FOXP1: variants seen among roughly 807,000 people sequenced by gnomAD.
The protein encoded by FOXP1 is forkhead box protein P1.
A neutral mutation model predicts 98.2 loss-of-function variants in FOXP1; 15 were observed. The ratio of observed to expected loss-of-function variants is 0.15; its 90% confidence interval spans 0.10 to 0.24. The LOEUF (loss-of-function observed/expected upper bound fraction) is 0.24, where lower values mean the gene tolerates loss of function less well. FOXP1 is among the 10% of genes least tolerant of loss of function. The pLI, the probability that FOXP1 is intolerant of heterozygous loss-of-function variation, is 1.00. For missense variants in FOXP1, 633 were observed against 848.5 expected (o/e 0.75, Z 3.15); for synonymous variants, 371 against 314.5 (o/e 1.18, Z -1.90).
chr3:71,483,019 T>C (rs2090398008), intron 3 of FOXP1, among the ~76,000 whole-genome samples: 1 of 151,862 alleles, frequency 6.6e-6, no homozygotes, highest in African/African-American at 2.4e-5. Flanking sequence ...TTCTTATTTT[T>C]TGTAGAGATG....
At chr3:71,398,750 T>C (rs994262158) in intron 3 of FOXP1, among the ~76,000 whole-genome samples, 1 of 152,220 alleles carries the variant, frequency 6.6e-6, no homozygotes, top group Admixed American at 6.5e-5. Flanking sequence ...TACATCTTCA[T>C]GATGAGATAG....
chr3:71,251,554 G>A (rs994689108), intron 5 of FOXP1, among the ~76,000 whole-genome samples: 1 of 152,172 alleles, frequency 6.6e-6, no homozygotes, highest in Non-Finnish European at 1.5e-5. Context: ...TGGAAGCGGG[G>A]GTGGTGGTCA....
At chr3:70,979,690 T>G (rs902897152) in intron 14 of FOXP1, among the ~76,000 whole-genome samples, 16 of 151,148 alleles carry the variant, frequency 1.1e-4, no homozygotes, top group Non-Finnish European at 1.6e-4. Context: ...GTATTAAAAA[T>G]GAGATTCCTC....
chr3:71,577,789 A>G (rs1398808807), intron 2 of FOXP1, among the ~76,000 whole-genome samples: 1 of 145,980 alleles, frequency 6.9e-6, no homozygotes, highest in Non-Finnish European at 1.5e-5. Context: ...CCATCAACTT[A>G]AAAAAAAAAA....
At chr3:71,236,850 G>A (rs977861697) in intron 5 of FOXP1, among the ~76,000 whole-genome samples, 2 of 151,242 alleles carry the variant, frequency 1.3e-5, no homozygotes, top group South Asian at 4.2e-4. Flanking sequence ...TCCAGCCTGA[G>A]TGACACAGCG....
chr3:71,133,899 T>C (rs2059692418), intron 6 of FOXP1, among the ~76,000 whole-genome samples: 1 of 152,224 alleles, frequency 6.6e-6, no homozygotes, highest in Non-Finnish European at 1.5e-5. Context: ...AAACAGATTA[T>C]GACTCTATAG....
At chr3:71,298,769 C>T (rs573707911) in intron 5 of FOXP1, among the ~76,000 whole-genome samples, 2 of 152,232 alleles carry the variant, frequency 1.3e-5, no homozygotes, top group East Asian at 3.9e-4. Context: ...CTAGAACCCC[C>T]CCAAGCCCCA....
In FOXP1 at chr3:71,524,539, T is replaced by TA. The variant is rs35974535; in HGVS notation, c.-297-30985dup. 5.1e-3 allele frequency among the ~76,000 whole-genome samples: 654 copies of TA among 128,884 alleles called. 5 individuals carry two copies. Among genetic ancestry groups the TA allele is most frequent in the African/African-American group, 0.013 (468 of 35,236 alleles). The allele number at this position is 128,884 out of a possible 152,430, so 84.6% of individuals were successfully genotyped here. A position where few individuals can be genotyped will look rare whatever the true frequency, so the allele number is the denominator to read the frequency against. On this transcript the variant is annotated intron_variant, in intron 2 of 20. Coordinates refer to ENST00000649528, the MANE Select transcript of FOXP1 (RefSeq NM_001349338.3). ...CTTGCTAGCAAATGCAAATAAATCT[T>TA]AAAAAAAAAAAAAAAAAAGCAAGCC...
intron 3 of FOXP1, among the ~76,000 whole-genome samples, chr3:71,437,442 A>G (rs1560486579): frequency 6.6e-6 from 1 of 152,082 alleles, no homozygotes; most frequent in Admixed American, 6.6e-5. Context: ...CAAACAGAAA[A>G]CAAATCATGA....
intron 2 of FOXP1, among the ~76,000 whole-genome samples, chr3:71,534,295 T>G (rs2044109622): frequency 6.6e-6 from 1 of 151,736 alleles, no homozygotes. Context: ...CCTGGGGGGG[T>G]GGAGGTTGCA....
intron 4 of FOXP1, among the ~76,000 whole-genome samples, chr3:71,344,257 C>G (rs1350994627): frequency 1.3e-5 from 2 of 152,154 alleles, no homozygotes; most frequent in Non-Finnish European, 2.9e-5. Flanking sequence ...TCCCCTAACC[C>G]TAAAATGTTC....
intron 7 of FOXP1, among the ~76,000 whole-genome samples, chr3:71,054,610 T>C (rs1460503165): frequency 6.6e-6 from 1 of 152,234 alleles, no homozygotes; most frequent in African/African-American, 2.4e-5. Flanking sequence ...CTATGAATTC[T>C]GCAAGCTTTC....
intron 7 of FOXP1, among the ~76,000 whole-genome samples, chr3:71,100,075 T>C (rs187619553): frequency 2.5e-3 from 385 of 152,336 alleles, no homozygotes; most frequent in African/African-American, 8.8e-3. Flanking sequence ...GCATAGACTA[T>C]GGTCAGATAG....
At chr3:71,202,388 T>C (rs1171612930) in intron 5 of FOXP1, among the ~76,000 whole-genome samples, 1 of 152,034 alleles carries the variant, frequency 6.6e-6, no homozygotes, top group Admixed American at 6.5e-5. Flanking sequence ...TGTGAAAAAA[T>C]AGGAGTGTCA....
chr3:71,571,757 T>C (rs573620514), intron 2 of FOXP1: 15 of 152,260 alleles, frequency 9.9e-5, no homozygotes, highest in Non-Finnish European at 2.2e-4. Context: ...CAGTGTATTA[T>C]TTATCACTAA....
chr3:71,218,436 C>G (rs1194821299), intron 5 of FOXP1, among the ~76,000 whole-genome samples: 3 of 152,182 alleles, frequency 2.0e-5, no homozygotes, highest in Non-Finnish European at 4.4e-5. Context: ...CCTCCTCATT[C>G]CTGGTTCTCT....
At chr3:71,131,377 A>G (rs967589498) in intron 6 of FOXP1, among the ~76,000 whole-genome samples, 5 of 148,836 alleles carry the variant, frequency 3.4e-5, no homozygotes, top group South Asian at 2.2e-4. Context: ...AAACAGGAGG[A>G]AGAGTTGAAC....
intron 3 of FOXP1, among the ~76,000 whole-genome samples, chr3:71,401,103 A>G (rs2081932746): frequency 6.6e-6 from 1 of 152,224 alleles, no homozygotes. Flanking sequence ...ATTTTTTCTA[A>G]GAAAAGCTTA....
Position 71,413,032 on chromosome 3 carries a change from T to C in FOXP1, c.-167-53788A>G, listed in dbSNP as rs1186681916. On this transcript the variant is annotated intron_variant, in intron 3 of 20. Coordinates refer to ENST00000649528, the MANE Select transcript of FOXP1 (RefSeq NM_001349338.3). ...GACTGCCCAAATTCATACACAGGGC[T>C]TCGTCTTTGAAAAACACACAAAGGT... 2.6e-5 allele frequency among the ~76,000 whole-genome samples: 4 copies of C among 152,180 alleles called. No individual in the cohort carries two copies. In the East Asian group the frequency reaches 7.7e-4, roughly 29 times the overall value.
Sources: allele counts gnomAD v4.1 joint callset (sites outside exome capture counted in the v4.1 genomes callset), GRCh38; gene constraint gnomAD v4.1.1; transcripts MANE v1.5; gene names NCBI Gene and HGNC (gene_info 2026-07-23, HGNC 2026-07-21).